UBE2W: variants seen among roughly 807,000 people sequenced by gnomAD.
UBE2W encodes ubiquitin-conjugating enzyme E2 W.
A neutral mutation model predicts 27.2 loss-of-function variants in UBE2W; 18 were observed. The ratio of observed to expected loss-of-function variants is 0.66; its 90% confidence interval spans 0.46 to 0.98. The LOEUF is 0.98. Ranked by LOEUF, UBE2W falls within the 50% of genes least tolerant of loss-of-function variation. UBE2W has a pLI of 0.00. For synonymous variants in UBE2W, 53 were observed against 57.2 expected, an observed-to-expected ratio of 0.93 and a Z score of 0.33; for missense variants, 90 against 180.2, an observed-to-expected ratio of 0.50 and a Z score of 2.87.
At chr8:73,878,295 G>T (rs1812323208) in intron 1 of UBE2W, among the ~76,000 whole-genome samples, 1 of 152,244 alleles carries the variant, frequency 6.6e-6, no homozygotes, top group Non-Finnish European at 1.5e-5. Flanking sequence ...GGGGGGCCCG[G>T]CGTGGGAGGC....
At position 73,790,898 on chromosome 8, in the gene UBE2W, C is replaced by T. The variant is rs17224289; in HGVS notation, c.*3204G>A. ...TTTTAGAATCTGAAGAAATTATTAT[C>T]CACCACAGGAATCTAATGATATATA... On this transcript the variant is annotated 3_prime_UTR_variant, in exon 6 of 6. Coordinates refer to ENST00000602593, the MANE Select transcript of UBE2W (RefSeq NM_018299.6). 115,463 of 983,908 alleles carry T rather than the reference C, an allele frequency of 0.12. 6,866 individuals carry two copies. The highest frequency in any genetic ancestry group is 0.16 in the Middle Eastern group (300 of 1,912). The allele number at this position is 983,908 out of a possible 1,614,324, so 60.9% of individuals were successfully genotyped here.
At chr8:73,866,919 C>T (rs766710520) in intron 1 of UBE2W, among the ~76,000 whole-genome samples, 10 of 151,170 alleles carry the variant, frequency 6.6e-5, no homozygotes, top group Admixed American at 1.3e-4. Flanking sequence ...GCAGGAGAAT[C>T]GCTTGAACCC....
intron 1 of UBE2W, among the ~76,000 whole-genome samples, chr8:73,861,438 G>GGC (rs756296911): frequency 8.2e-4 from 125 of 152,182 alleles, no homozygotes; most frequent in Non-Finnish European, 1.4e-3. Context: ...CTTGGTACGG[G>GGC]GCCCTGATAT....
At chr8:73,849,157 A>G (rs16938736) in intron 1 of UBE2W, among the ~76,000 whole-genome samples, 1,594 of 152,268 alleles carry the variant, frequency 0.01, 25 homozygotes, top group African/African-American at 0.036. Context: ...ATTTTTCGTA[A>G]AAGTTTTCAA....
intron 2 of UBE2W, among the ~76,000 whole-genome samples, chr8:73,825,586 G>A (rs187677738): frequency 7.4e-4 from 112 of 152,240 alleles, no homozygotes; most frequent in African/African-American, 2.6e-3. Flanking sequence ...GGCAGATCAC[G>A]AGGTCAGGAG....
chr8:73,816,309 G>A (rs1809381853), intron 3 of UBE2W, among the ~76,000 whole-genome samples: 1 of 152,188 alleles, frequency 6.6e-6, no homozygotes, highest in African/African-American at 2.4e-5. Context: ...AGGGTTCACT[G>A]TTAACCTTCT....
chr8:73,846,619 CA>C (rs1198367584), intron 1 of UBE2W, among the ~76,000 whole-genome samples: 4 of 152,066 alleles, frequency 2.6e-5, no homozygotes, highest in African/African-American at 7.2e-5. Flanking sequence ...GACCAACTTA[CA>C]AAAAAAATTT....
At chr8:73,847,433 CTTTT>C (rs968783703) in intron 1 of UBE2W, among the ~76,000 whole-genome samples, 1 of 151,860 alleles carries the variant, frequency 6.6e-6, no homozygotes, top group Non-Finnish European at 1.5e-5. Flanking sequence ...AAACTACTTG[CTTTT>C]TTTTGTAAAC....
chr8:73,834,004 C>G (rs757752664), intron 1 of UBE2W: 2 of 152,124 alleles, frequency 1.3e-5, no homozygotes, highest in African/African-American at 2.4e-5. Flanking sequence ...CGCAGCTTTC[C>G]AAATAGCTGG....
intron 3 of UBE2W, among the ~76,000 whole-genome samples, chr8:73,815,894 C>T (rs73322684): frequency 0.031 from 4,783 of 152,218 alleles, 229 homozygotes; most frequent in African/African-American, 0.1. Flanking sequence ...ATGCAGACAA[C>T]AGTACTTAAT....
intron 1 of UBE2W, among the ~76,000 whole-genome samples, chr8:73,857,451 A>G (rs1250970879): frequency 1.3e-5 from 1 of 78,850 alleles, no homozygotes; most frequent in Non-Finnish European, 3.5e-5. Context: ...ATTATAAAAG[A>G]TTGCAAGTAT....
At chr8:73,831,558 ATTTT>A (rs1810064054) in intron 1 of UBE2W, 1 of 152,334 alleles carries the variant, frequency 6.6e-6, no homozygotes, top group Non-Finnish European at 1.5e-5. Context: ...GTTGTTGTTT[ATTTT>A]TTAAGAGACA....
At chr8:73,877,150 A>G (rs1376508414) in intron 1 of UBE2W, among the ~76,000 whole-genome samples, 1 of 152,234 alleles carries the variant, frequency 6.6e-6, no homozygotes, top group African/African-American at 2.4e-5. Flanking sequence ...TAATCTTAAT[A>G]CAGATAATAA....
intron 1 of UBE2W, among the ~76,000 whole-genome samples, chr8:73,852,941 G>A (rs760032993): frequency 2.6e-5 from 4 of 152,172 alleles, no homozygotes; most frequent in Non-Finnish European, 1.5e-5. Context: ...GTTAGGTGCT[G>A]TAAGGGATAT....
chr8:73,822,302 C>T (rs1045797527), intron 3 of UBE2W, among the ~76,000 whole-genome samples: 2 of 152,104 alleles, frequency 1.3e-5, no homozygotes, highest in Non-Finnish European at 2.9e-5. Context: ...AGCTGGATTT[C>T]CTAGGCCGAC....
chr8:73,822,700 C>G (rs1479679153), intron 3 of UBE2W, among the ~76,000 whole-genome samples: 2 of 145,752 alleles, frequency 1.4e-5, no homozygotes, highest in Non-Finnish European at 3.0e-5. Context: ...GGTAGGATCA[C>G]TTGAGCCCAG....
rs532004830 is a variant in UBE2W, at chr8:73,841,630, G to A, written c.16-11158C>T. 2.0e-5 allele frequency among the ~76,000 whole-genome samples: 3 copies of A among 152,304 alleles called. No homozygotes were observed. In the South Asian group the frequency reaches 6.2e-4, roughly 32 times the overall value. ...AGGACTGTGGTATGCACAAAGCCAA[G>A]GAAGAATATGTTTCAAGGACTAACC... On this transcript the variant is annotated intron_variant, in intron 1 of 5. Transcript: ENST00000602593.
chr8:73,875,126 G>A (rs1035412388), intron 1 of UBE2W, among the ~76,000 whole-genome samples: 1 of 151,976 alleles, frequency 6.6e-6, no homozygotes, highest in Non-Finnish European at 1.5e-5. Flanking sequence ...ACAATAGGAA[G>A]GAAAAGAAAA....
intron 1 of UBE2W, among the ~76,000 whole-genome samples, chr8:73,851,657 G>A (rs1443163193): frequency 6.6e-6 from 1 of 152,018 alleles, no homozygotes; most frequent in African/African-American, 2.4e-5. Context: ...AAGACTGAAG[G>A]CAGGAAAGAC....
Sources: gnomAD v4.1 joint callset for allele counts (sites outside exome capture counted in the v4.1 genomes callset) on GRCh38, gnomAD v4.1.1 for gene constraint, MANE v1.5 for transcripts, NCBI Gene and HGNC (gene_info 2026-07-23, HGNC 2026-07-21) for gene names.